The following DPP6 variants were observed in gnomAD, a reference collection of about 807,000 sequenced individuals.
DPP6 encodes the protein dipeptidyl peptidase like 6, also known as A-type potassium channel modulatory protein DPP6.
In DPP6, 69 loss-of-function variants were observed where a neutral mutation model predicts 122.6. The ratio of observed to expected loss-of-function variants is 0.56; its 90% CI spans 0.46 to 0.69. The LOEUF is 0.69. Among genes scored for constraint, DPP6 ranks in the 30% least tolerant of loss-of-function variants. The pLI is 0.00. For missense variants in DPP6, 928 were observed against 1,116.9 expected (o/e 0.83, Z 2.41); for synonymous variants, 418 against 433.1 (o/e 0.97, Z 0.43).
intron 5 of DPP6, among the ~76,000 whole-genome samples, chr7:154,594,441 C>T (rs1345189154): frequency 1.3e-5 from 2 of 152,092 alleles, no homozygotes; most frequent in African/African-American, 4.8e-5. Flanking sequence ...ATGAATGAAT[C>T]AATGAATCAA....
chr7:154,382,892 A>AT (rs1279957346), intron 1 of DPP6, among the ~76,000 whole-genome samples: 6 of 152,068 alleles, frequency 3.9e-5, no homozygotes, highest in Admixed American at 1.3e-4. Context: ...CGCCCAGCTA[A>AT]TTTTTTGTAT....
At chr7:154,437,900 G>A (rs1189542102) in intron 1 of DPP6, among the ~76,000 whole-genome samples, 2 of 152,128 alleles carry the variant, frequency 1.3e-5, no homozygotes, top group East Asian at 3.9e-4. Flanking sequence ...TCACGCCACT[G>A]CACTCCAGCC....
intron 6 of DPP6, among the ~76,000 whole-genome samples, chr7:154,642,446 TG>T (rs1357874976): frequency 6.6e-6 from 1 of 151,496 alleles, no homozygotes; most frequent in Non-Finnish European, 1.5e-5. Context: ...CAAAATTAGC[TG>T]GGCATGGTGG....
chr7:154,857,997 G>A (rs541167181), intron 17 of DPP6, among the ~76,000 whole-genome samples: 2 of 152,218 alleles, frequency 1.3e-5, no homozygotes, highest in East Asian at 1.9e-4. Context: ...GTTCTGCATC[G>A]TCAGGATTCT....
chr7:154,391,235 C>T (rs1289354051), intron 1 of DPP6, among the ~76,000 whole-genome samples: 3 of 152,188 alleles, frequency 2.0e-5, no homozygotes, highest in Non-Finnish European at 4.4e-5. Flanking sequence ...TTAGAATTTG[C>T]TGTGTTTTAC....
At chr7:154,413,135 A>C (rs286850) in intron 1 of DPP6, among the ~76,000 whole-genome samples, 2 of 152,016 alleles carry the variant, frequency 1.3e-5, no homozygotes, top group African/African-American at 2.4e-5. Flanking sequence ...CGCTGCCCTA[A>C]AGTGGTCCTC....
intron 1 of DPP6, among the ~76,000 whole-genome samples, chr7:154,327,701 G>A (rs1480000522): frequency 6.6e-6 from 1 of 152,108 alleles, no homozygotes; most frequent in Non-Finnish European, 1.5e-5. Flanking sequence ...CATTGCCGGG[G>A]AAAATGGAAA....
At chr7:153,843,637 A>T in the DPP6 span, among the ~76,000 whole-genome samples, 1 of 152,064 alleles carries the variant, frequency 6.6e-6, no homozygotes, top group Non-Finnish European at 1.5e-5. Context: ...ATGAGGTGAG[A>T]TGGTCACATG....
the DPP6 span, among the ~76,000 whole-genome samples, chr7:153,859,629 C>A: frequency 6.6e-6 from 1 of 152,198 alleles, no homozygotes; most frequent in East Asian, 1.9e-4. Flanking sequence ...ATGGTACCCA[C>A]TGGATATGGC....
upstream of DPP6, among the ~76,000 whole-genome samples, chr7:154,050,793 A>AT (rs3980034): frequency 0.14 from 16,899 of 119,200 alleles, 1,413 homozygotes; most frequent in Middle Eastern, 0.18. Flanking sequence ...TGTATTTGCT[A>AT]TTTTTTAAAG....
Position 154,394,691 on chromosome 7 carries a change from C to T in DPP6, c.244-51523C>T, listed in dbSNP as rs555433465. ...AAACCAAATGTCATGAAGTTTTGCC[C>T]TGTCTTTTCTTTTAAGAGTTTCATA... is the stretch of plus-strand genomic sequence containing the variant. On this transcript the variant is annotated intron_variant, in intron 1 of 25. Transcript: ENST00000377770. Among the ~76,000 whole-genome samples the T allele has an allele frequency of 9.9e-5, 15 of 152,110 alleles. No individual in the cohort carries two copies. The South Asian group carries it at 3.1e-3, about 32-fold the overall frequency.
At chr7:154,532,284 TTGAAC>T (rs1157439375) in intron 3 of DPP6, among the ~76,000 whole-genome samples, 1 of 152,050 alleles carries the variant, frequency 6.6e-6, no homozygotes, top group East Asian at 1.9e-4. Flanking sequence ...TGGAAATAAT[TTGAAC>T]TGAATAATAA....
At chr7:153,875,191 A>C in the DPP6 span, among the ~76,000 whole-genome samples, 2 of 152,230 alleles carry the variant, frequency 1.3e-5, no homozygotes, top group African/African-American at 2.4e-5. Context: ...TGCAAGTCAG[A>C]AGATGGAGAC....
chr7:154,276,571 C>T (rs1227260302), intron 1 of DPP6, among the ~76,000 whole-genome samples: 1 of 152,126 alleles, frequency 6.6e-6, no homozygotes, highest in Admixed American at 6.5e-5. Context: ...TTATTCTGAC[C>T]TCTAGGGTAG....
At chr7:154,292,379 C>G (rs768544854) in intron 1 of DPP6, among the ~76,000 whole-genome samples, 6 of 152,180 alleles carry the variant, frequency 3.9e-5, no homozygotes, top group Non-Finnish European at 8.8e-5. Context: ...GGATCTGGCT[C>G]AAACGTGGCT....
intron 22 of DPP6, among the ~76,000 whole-genome samples, chr7:154,886,306 G>A (rs891542368): frequency 6.6e-6 from 1 of 152,244 alleles, no homozygotes; most frequent in Non-Finnish European, 1.5e-5. Flanking sequence ...TCCTCAGAGA[G>A]TATGGCTCTC....
At position 154,481,638 on chromosome 7, in the gene DPP6, G is replaced by T. The variant is rs1823313736; in HGVS notation, c.457+6601G>T. On this transcript the variant is annotated intron_variant, in intron 3 of 25. Transcript: ENST00000377770. This position sits in a 1 kb window ranked among gnomAD's most constrained non-coding sequence, Gnocchi z 4.2. ...TTGCCTACGTGAACTTCTTTGGATT[G>T]CTTCAGAAGTCCATCTTCTTTTCCC... 1.3e-5 allele frequency among the ~76,000 whole-genome samples: 2 copies of T among 151,962 alleles called. 1 individual carries two copies. The highest frequency in any genetic ancestry group is 4.2e-4 in the South Asian group (2 of 4,816).
chr7:154,000,992 G>C (rs892741521), intron 1 of DPP6, among the ~76,000 whole-genome samples: 1 of 152,182 alleles, frequency 6.6e-6, no homozygotes, highest in Non-Finnish European at 1.5e-5. Context: ...CAAGGTGGGG[G>C]CAGTTCTCAT....
At position 154,753,616 on chromosome 7, in the gene DPP6, C is replaced by T. The variant is rs1175442508; in HGVS notation, c.884-15801C>T. Among the ~76,000 whole-genome samples, 8 of 152,176 alleles carry T rather than the reference C, an allele frequency of 5.3e-5. No individual in the cohort carries two copies. The East Asian group carries it at 9.6e-4, about 18-fold the overall frequency. On this transcript the variant is annotated intron_variant, in intron 8 of 25. Transcript: ENST00000377770. ...TGAAGCTCACGTGCCAGTGTGGAAT[C>T]GACACCCTCATTCTCTTTAGTATCA...
Sources: gnomAD v4.1 joint callset for allele counts (sites outside exome capture counted in the v4.1 genomes callset) on GRCh38, gnomAD v4.1.1 for gene constraint, Gnocchi (gnomAD v3.1) non-coding constraint, MANE v1.5 for transcripts, NCBI Gene and HGNC (gene_info 2026-07-23, HGNC 2026-07-21) for gene names.